PKIA: variants seen among roughly 807,000 people sequenced by gnomAD.
The protein encoded by PKIA is PKI-alpha.
PKIA carries 4 observed loss-of-function variants against 7.6 expected under a neutral mutation model. The observed-to-expected ratio is 0.52, with a 90% CI of 0.26 to 1.20. The LOEUF is 1.20. Ranked by LOEUF, PKIA falls within the 50% of genes most tolerant of loss-of-function variation. PKIA has a pLI of 0.13. For missense variants in PKIA, 73 were observed against 86.2 expected (o/e 0.85, Z 0.61); for synonymous variants, 21 against 30.7 (o/e 0.68, Z 1.04).
chr8:78,595,704 A>G (rs1217206670), intron 2 of PKIA, among the ~76,000 whole-genome samples: 1 of 152,056 alleles, frequency 6.6e-6, no homozygotes, highest in Non-Finnish European at 1.5e-5. Context: ...CTGTTCCTGC[A>G]TTAATTTACT....
chr8:78,524,550 T>C (rs1399530081), intron 1 of PKIA, among the ~76,000 whole-genome samples: 1 of 151,776 alleles, frequency 6.6e-6, no homozygotes, highest in East Asian at 1.9e-4. Context: ...TACCTAATAA[T>C]CAGTAAAAAA....
rs182984901 is a variant in PKIA at position 78,548,857 on chromosome 8, A to T, written c.-156-23954A>T. On this transcript the variant is annotated intron_variant, in intron 1 of 3. Transcript: ENST00000396418. ...TCTACAATATATGATGAAATAAAAG[A>T]TATAATTATAAAATATCATACTATC... Among the ~76,000 whole-genome samples the T allele has an allele frequency of 6.8e-4, 104 of 152,218 alleles. 1 individual carries two copies. The East Asian group carries it at 0.016, about 23-fold the overall frequency.
At chr8:78,571,291 AG>A (rs1807541038) in intron 1 of PKIA, among the ~76,000 whole-genome samples, 1 of 152,100 alleles carries the variant, frequency 6.6e-6, no homozygotes, top group Non-Finnish European at 1.5e-5. Flanking sequence ...CTGTCAACCC[AG>A]GAACTAAAGT....
intron 1 of PKIA, among the ~76,000 whole-genome samples, chr8:78,539,160 AAAG>A (rs1806610480): frequency 6.6e-6 from 1 of 152,094 alleles, no homozygotes. Context: ...TTAATGGGCA[AAAG>A]AAATAATTTT....
chr8:78,594,000 T>G (rs1174169982), intron 2 of PKIA, among the ~76,000 whole-genome samples: 1 of 152,238 alleles, frequency 6.6e-6, no homozygotes, highest in Non-Finnish European at 1.5e-5. Flanking sequence ...TAACATATTC[T>G]TATTTAACAA....
intron 1 of PKIA, among the ~76,000 whole-genome samples, chr8:78,539,079 T>C (rs1585878227): frequency 6.6e-6 from 1 of 151,994 alleles, no homozygotes; most frequent in African/African-American, 2.4e-5. Context: ...GGCCTGGAAA[T>C]CAGCTGTGAG....
chr8:78,540,271 A>C (rs980801534), intron 1 of PKIA, among the ~76,000 whole-genome samples: 1 of 152,074 alleles, frequency 6.6e-6, no homozygotes, highest in Non-Finnish European at 1.5e-5. Flanking sequence ...AGCAAGTATT[A>C]GGGAGGGTAA....
chr8:78,604,267 T>C lies in PKIA; in HGVS notation c.*2446T>C, dbSNP rs1808422203. The C allele has an allele frequency of 6.6e-6, 1 of 152,006 alleles. No homozygotes were observed. Among genetic ancestry groups the C allele is most frequent in the Admixed American group, 6.6e-5 (1 of 15,210 alleles). The allele number at this position is 152,006 out of a possible 1,614,324, so 9.4% of individuals were successfully genotyped here. A position where few individuals can be genotyped will look rare whatever the true frequency, so the allele number is the denominator to read the frequency against. ...ATTCTCCCATTTGATCCTCAAACAA[T>C]TCTATTAGAGTGGTATTTTTATCCA... On this transcript the variant is annotated 3_prime_UTR_variant, in exon 4 of 4. Coordinates refer to ENST00000396418, the MANE Select transcript of PKIA (RefSeq NM_006823.4).
intron 1 of PKIA, among the ~76,000 whole-genome samples, chr8:78,557,841 T>A (rs2118500586): frequency 7.2e-6 from 1 of 138,132 alleles, no homozygotes; most frequent in African/African-American, 2.8e-5. Flanking sequence ...CAATGTTGCT[T>A]GTCCTTCTCC....
chr8:78,589,777 C>T (rs983591682), intron 2 of PKIA, among the ~76,000 whole-genome samples: 5 of 151,776 alleles, frequency 3.3e-5, no homozygotes, highest in African/African-American at 9.7e-5. Context: ...TCTTGAATCT[C>T]GACCTTTGAG....
At chr8:78,560,000 A>T (rs1314302743) in intron 1 of PKIA, among the ~76,000 whole-genome samples, 1 of 152,208 alleles carries the variant, frequency 6.6e-6, no homozygotes, top group Non-Finnish European at 1.5e-5. Context: ...ATTTATAATT[A>T]TATATATGCT....
At chr8:78,580,168 ATAT>A (rs1807772001) in intron 2 of PKIA, among the ~76,000 whole-genome samples, 1 of 152,052 alleles carries the variant, frequency 6.6e-6, no homozygotes, top group Non-Finnish European at 1.5e-5. Context: ...ATTTAGATAA[ATAT>A]TATAAATTTT....
chr8:78,528,630 C>T (rs142125942), intron 1 of PKIA, among the ~76,000 whole-genome samples: 52 of 150,654 alleles, frequency 3.5e-4, no homozygotes, highest in Non-Finnish European at 7.2e-4. Context: ...TCAAGACCAG[C>T]CTGGCCAACA....
chr8:78,603,060 A>G lies in PKIA; in HGVS notation c.*1239A>G, dbSNP rs1279898764. 1 of 152,468 alleles carries G rather than the reference A, an allele frequency of 6.6e-6. No homozygotes were observed. Among genetic ancestry groups the G allele is most frequent in the Non-Finnish European group, 1.5e-5 (1 of 67,964 alleles). 9.4% of individuals were successfully genotyped at this position (152,468 alleles called of 1,614,324 possible). A position where few individuals can be genotyped will look rare whatever the true frequency, so the allele number is the denominator to read the frequency against. On this transcript the variant is annotated 3_prime_UTR_variant, in exon 4 of 4. Coordinates refer to ENST00000396418, the MANE Select transcript of PKIA (RefSeq NM_006823.4). Reference sequence around the variant, plus strand: ...TTCTGATACAATAATGATTATCATTAGAAGCTAACAAAATTCTCATTAATA... The same window carrying G: ...TTCTGATACAATAATGATTATCATTGGAAGCTAACAAAATTCTCATTAATA...
chr8:78,581,805 T>C (rs1046095867), intron 2 of PKIA, among the ~76,000 whole-genome samples: 1 of 152,086 alleles, frequency 6.6e-6, no homozygotes, highest in Admixed American at 6.6e-5. Flanking sequence ...TTGACAAAAC[T>C]TGAAGAAGTC....
At chr8:78,540,095 A>G (rs928128662) in intron 1 of PKIA, among the ~76,000 whole-genome samples, 1 of 151,266 alleles carries the variant, frequency 6.6e-6, no homozygotes, top group Non-Finnish European at 1.5e-5. Flanking sequence ...AAAAAAAAAA[A>G]GTGAATCAGA....
intron 1 of PKIA, among the ~76,000 whole-genome samples, chr8:78,533,228 C>T (rs1007932390): frequency 6.6e-6 from 1 of 152,092 alleles, no homozygotes; most frequent in Admixed American, 6.6e-5. Context: ...TAAATATGCC[C>T]TTGCCATAAC....
chr8:78,571,866 T>G (rs1194929130), intron 1 of PKIA, among the ~76,000 whole-genome samples: 1 of 152,034 alleles, frequency 6.6e-6, no homozygotes, highest in Non-Finnish European at 1.5e-5. Context: ...GCTGGCTCAT[T>G]GTCTGTCGCT....
chr8:78,585,229 T>A (rs945549045), intron 2 of PKIA, among the ~76,000 whole-genome samples: 2 of 152,032 alleles, frequency 1.3e-5, no homozygotes, highest in Admixed American at 6.6e-5. Flanking sequence ...ATTATATATT[T>A]TATATATATG....
Sources: gnomAD v4.1 joint callset for allele counts (sites outside exome capture counted in the v4.1 genomes callset) on GRCh38, gnomAD v4.1.1 for gene constraint, MANE v1.5 for transcripts, NCBI Gene and HGNC (gene_info 2026-07-23, HGNC 2026-07-21) for gene names.